NRF1: variants seen among roughly 807,000 people sequenced by gnomAD.
The protein encoded by NRF1 is nuclear respiratory factor 1.
In NRF1, 5 loss-of-function variants were observed where a neutral mutation model predicts 58.5. That is an observed-to-expected ratio of 0.09 (90% CI 0.04 to 0.18). NRF1 has a LOEUF of 0.18. NRF1 is among the 10% of genes least tolerant of loss of function. The pLI, the probability that NRF1 is intolerant of heterozygous loss-of-function variation, is 1.00. For synonymous variants in NRF1, 224 were observed against 246.7 expected, an observed-to-expected ratio of 0.91 and a Z score of 0.86; for missense variants, 288 against 657.7, an observed-to-expected ratio of 0.44 and a Z score of 6.15.
chr7:129,745,084 C>A (rs1803941543), intron 10 of NRF1, among the ~76,000 whole-genome samples: 1 of 152,064 alleles, frequency 6.6e-6, no homozygotes, highest in Non-Finnish European at 1.5e-5. Flanking sequence ...CTGAGTGGGC[C>A]TGCTGTTCAT....
intron 10 of NRF1, among the ~76,000 whole-genome samples, chr7:129,739,520 T>A (rs1803798251): frequency 6.8e-6 from 1 of 147,936 alleles, no homozygotes; most frequent in Admixed American, 6.9e-5. Flanking sequence ...TCTCAGCTCA[T>A]AAACAGCATG....
At chr7:129,673,875 C>G (rs1453758893) in intron 3 of NRF1, among the ~76,000 whole-genome samples, 2 of 152,002 alleles carry the variant, frequency 1.3e-5, no homozygotes, top group East Asian at 1.9e-4. Flanking sequence ...CATGGTGGCT[C>G]ATGCCTATAA....
intron 1 of NRF1, among the ~76,000 whole-genome samples, chr7:129,638,793 G>T (rs1801225169): frequency 6.6e-6 from 1 of 151,990 alleles, no homozygotes; most frequent in Non-Finnish European, 1.5e-5. Flanking sequence ...TGAGTTTAGT[G>T]ATATCTTTTA....
At chr7:129,690,871 T>A (rs1401956324) in intron 5 of NRF1, among the ~76,000 whole-genome samples, 4 of 152,148 alleles carry the variant, frequency 2.6e-5, no homozygotes, top group African/African-American at 9.7e-5. Flanking sequence ...AGGAGTTTAA[T>A]GAATCACAGT....
chr7:129,715,361 AC>A (rs1490245959), intron 8 of NRF1, among the ~76,000 whole-genome samples: 2 of 152,178 alleles, frequency 1.3e-5, no homozygotes, highest in Non-Finnish European at 2.9e-5. Context: ...AGACTGAGAG[AC>A]TGTAGGCCTA....
intron 5 of NRF1, among the ~76,000 whole-genome samples, chr7:129,694,366 GTC>G (rs1319787248): frequency 6.6e-6 from 1 of 151,950 alleles, no homozygotes; most frequent in African/African-American, 2.4e-5. Flanking sequence ...CTTTGTCTCT[GTC>G]TCTCTTTTTT....
Position 129,755,297 on chromosome 7 carries a change from C to G in NRF1, c.*116C>G. The G allele has an allele frequency of 4.2e-6, 4 of 952,616 alleles. No individual in the cohort carries two copies. Among genetic ancestry groups the G allele is most frequent in the Non-Finnish European group, 5.6e-6 (4 of 709,938 alleles). The allele number at this position is 952,616 out of a possible 1,614,324, so 59.0% of individuals were successfully genotyped here. ...GACTTTGGAAGGAAAGTTTTGTTAA[C>G]CTTTTTTTTTTTAAAAGGAAGAAAG... is the stretch of plus-strand genomic sequence containing the variant. On this transcript the variant is annotated 3_prime_UTR_variant, in exon 11 of 11. Coordinates refer to ENST00000393232, the MANE Select transcript of NRF1 (RefSeq NM_005011.5). This position sits in a 1 kb window ranked among gnomAD's most constrained non-coding sequence, Gnocchi z 5.8.
chr7:129,733,811 C>T (rs1301316810), intron 10 of NRF1, among the ~76,000 whole-genome samples: 1 of 152,022 alleles, frequency 6.6e-6, no homozygotes, highest in Non-Finnish European at 1.5e-5. Flanking sequence ...ATTGCTTGAG[C>T]TCAGGAGTTC....
chr7:129,628,127 T>C (rs1291687129), intron 1 of NRF1, among the ~76,000 whole-genome samples: 1 of 142,324 alleles, frequency 7.0e-6, no homozygotes, highest in Non-Finnish European at 1.5e-5. Context: ...CACTGCAAGC[T>C]CTGCCTCCTG....
chr7:129,730,927 T>C (rs1485876278), intron 10 of NRF1, among the ~76,000 whole-genome samples: 5 of 150,378 alleles, frequency 3.3e-5, no homozygotes, highest in Non-Finnish European at 7.4e-5. Context: ...CAGTGAGCCA[T>C]GATCACACCA....
At chr7:129,616,071 A>AT (rs1317272036) in intron 1 of NRF1, among the ~76,000 whole-genome samples, 1 of 152,136 alleles carries the variant, frequency 6.6e-6, no homozygotes, top group Non-Finnish European at 1.5e-5. Context: ...ACATATATAT[A>AT]TTTTTTATTT....
chr7:129,641,894 T>A (rs907304968), intron 1 of NRF1: 19 of 152,154 alleles, frequency 1.2e-4, no homozygotes, highest in African/African-American at 4.6e-4. Flanking sequence ...TTAGCCAGGA[T>A]GGTCTCGATC....
rs200686927 is a variant in NRF1, at chr7:129,709,253, A to G, written c.765+20A>G. 9.7e-5 allele frequency: 138 copies of G among 1,424,576 alleles called. No individual in the cohort carries two copies. The highest frequency in any genetic ancestry group is 2.5e-5 in the Non-Finnish European group (27 of 1,078,402). The allele number at this position is 1,424,576 out of a possible 1,614,324, so 88.2% of individuals were successfully genotyped here. ...CAGAGGGTGAGAGTTCCTCTGACTG[A>G]GTTGCCTGGTTGCTTTTCCATCCTA... On this transcript the variant is annotated intron_variant, in intron 6 of 10. Transcript: ENST00000393232.
intron 9 of NRF1, among the ~76,000 whole-genome samples, chr7:129,720,565 T>C (rs745842858): frequency 2.0e-5 from 3 of 152,162 alleles, no homozygotes; most frequent in Non-Finnish European, 2.9e-5. Context: ...GGTTCTCTAA[T>C]AACCACCTGC....
intron 3 of NRF1, among the ~76,000 whole-genome samples, chr7:129,673,523 A>G (rs1304346744): frequency 1.3e-5 from 2 of 151,604 alleles, no homozygotes; most frequent in Non-Finnish European, 2.9e-5. Context: ...AGGTCAGGAG[A>G]TCGAGACCAT....
chr7:129,687,971 CAA>C (rs1409854053), intron 4 of NRF1, among the ~76,000 whole-genome samples: 1 of 152,038 alleles, frequency 6.6e-6, no homozygotes, highest in Non-Finnish European at 1.5e-5. Flanking sequence ...AAAAAACAAA[CAA>C]ACAAAAGATG....
intron 2 of NRF1, among the ~76,000 whole-genome samples, chr7:129,663,993 C>T (rs1801860256): frequency 1.3e-5 from 2 of 151,612 alleles, no homozygotes; most frequent in Non-Finnish European, 3.0e-5. Context: ...GGAGTGGCGG[C>T]GTGTGCCTGG....
rs1204356135 is a variant in NRF1, at chr7:129,753,204, C to G, written c.1349-1814C>G. ...TAATTTTTATCTTCATCAAAGTAGCCTATGGTTTAAATGTCAAAAAGAACT... is the reference window on the plus strand; with the variant it reads ...TAATTTTTATCTTCATCAAAGTAGCGTATGGTTTAAATGTCAAAAAGAACT... On this transcript the variant is annotated intron_variant, in intron 10 of 10. Transcript: ENST00000393232. 5.3e-5 allele frequency among the ~76,000 whole-genome samples: 8 copies of G among 152,012 alleles called. No homozygotes were observed. In the East Asian group the frequency reaches 1.5e-3, roughly 29 times the overall value.
chr7:129,656,273 T>C (rs1265579190), intron 1 of NRF1, among the ~76,000 whole-genome samples: 1 of 152,212 alleles, frequency 6.6e-6, no homozygotes, highest in East Asian at 1.9e-4. Context: ...TATAATAAAG[T>C]ATTATGCAGC....
Sources: gnomAD v4.1 joint callset for allele counts (sites outside exome capture counted in the v4.1 genomes callset) on GRCh38, gnomAD v4.1.1 for gene constraint, Gnocchi (gnomAD v3.1) non-coding constraint, MANE v1.5 for transcripts, NCBI Gene and HGNC (gene_info 2026-07-23, HGNC 2026-07-21) for gene names.